RP1: variants seen among roughly 807,000 people sequenced by gnomAD.
The protein encoded by RP1 is oxygen-regulated protein 1.
A neutral mutation model predicts 14.8 loss-of-function variants in RP1; 16 were observed. That is an observed-to-expected ratio of 1.08 (90% CI 0.73 to 1.65). The LOEUF is 1.65. Among genes scored for constraint, RP1 ranks in the 40% most tolerant of loss-of-function variants. The pLI is 0.00. For synonymous variants in RP1, 876 were observed against 883.6 expected, an observed-to-expected ratio of 0.99 and a Z score of 0.15; for missense variants, 2,631 against 2,535.0, an observed-to-expected ratio of 1.04 and a Z score of -0.81.
intron 27 of RP1, among the ~76,000 whole-genome samples, chr8:54,859,252 G>A (rs890504264): frequency 1.4e-4 from 21 of 151,416 alleles, no homozygotes; most frequent in African/African-American, 4.9e-4. Context: ...GTAAGGTGGT[G>A]TCACTACAGA....
Position 54,627,347 on chromosome 8 carries a change from C to G in RP1, c.3465C>G (p.Asn1155Lys). ...AAGTTGATGCTCACAAGGCTACCAACAAATCTTCAGAAACACTTGCATTGT... is the reference window on the plus strand; with the variant it reads ...AAGTTGATGCTCACAAGGCTACCAAGAAATCTTCAGAAACACTTGCATTGT... ...FCQVDAHKATNKSSETLALLE... is the reference protein window; with the variant it reads ...FCQVDAHKATKKSSETLALLE... The change falls in exon 4 of 4, where the codon AAC becomes AAG. Residue 1155 changes from asparagine to lysine, a missense_variant. Asn to Lys is a moderately conservative substitution (Grantham distance 94). Transcript: ENST00000220676. 1 of 1,614,150 alleles carries G rather than the reference C, an allele frequency of 6.2e-7. No individual in the cohort carries two copies. Among genetic ancestry groups the G allele is most frequent in the East Asian group, 2.2e-5 (1 of 44,890 alleles).
upstream of RP1, among the ~76,000 whole-genome samples, chr8:54,612,828 C>A (rs1415697604): frequency 2.0e-5 from 3 of 152,208 alleles, no homozygotes; most frequent in African/African-American, 7.2e-5. Context: ...CTGCCAGGAA[C>A]ACACTTCTGT....
intron 1 of RP1, among the ~76,000 whole-genome samples, chr8:54,584,729 T>G (rs966853303): frequency 1.3e-5 from 2 of 152,242 alleles, no homozygotes; most frequent in African/African-American, 4.8e-5. Context: ...CTTTTCTTGT[T>G]GAATTGATCC....
chr8:54,783,704 A>G, exon 24 of RP1: 1 of 1,230,512 alleles, frequency 8.1e-7, no homozygotes, highest in South Asian at 4.1e-5. Context: ...CTGCAGATAT[A>G]TTCAAGGTAA....
intron 24 of RP1, among the ~76,000 whole-genome samples, chr8:54,832,792 C>G (rs1208891675): frequency 4.0e-5 from 6 of 151,726 alleles, no homozygotes; most frequent in African/African-American, 1.2e-4. Context: ...TGTTTTTATG[C>G]CTTGTTAGGA....
intron 7 of RP1, among the ~76,000 whole-genome samples, chr8:54,664,699 T>G (rs1420780630): frequency 6.6e-6 from 1 of 152,212 alleles, no homozygotes; most frequent in Non-Finnish European, 1.5e-5. Context: ...GAGAAATGTT[T>G]GTTCAAGTCC....
chr8:54,626,632 A>G lies in RP1; in HGVS notation c.2750A>G (p.Gln917Arg), dbSNP rs1333399850. The change falls in exon 4 of 4, where the codon CAG becomes CGG. Residue 917 changes from glutamine (Q) to arginine (R), a missense_variant. By Grantham distance (43) the Gln-to-Arg change is conservative. Transcript: ENST00000220676. Reference protein sequence around the residue: ...IAHHSIQNYIQSWLQNINPYP... With the variant: ...IAHHSIQNYIRSWLQNINPYP... ...CATCATTCAATTCAAAATTATATAC[A>G]GAGTTGGTTGCAGAACATAAATCCA... 4 of 1,613,698 alleles carry G rather than the reference A, an allele frequency of 2.5e-6. No individual in the cohort carries two copies. The highest frequency in any genetic ancestry group is 3.3e-5 in the Admixed American group (2 of 59,974).
At chr8:54,695,153 G>A (rs1220128702) in intron 12 of RP1, among the ~76,000 whole-genome samples, 1 of 152,048 alleles carries the variant, frequency 6.6e-6, no homozygotes, top group African/African-American at 2.4e-5. Flanking sequence ...TTAATCCTGA[G>A]TTCTAGTTTG....
intron 24 of RP1, among the ~76,000 whole-genome samples, chr8:54,788,834 C>T (rs1200709411): frequency 6.6e-6 from 1 of 152,158 alleles, no homozygotes; most frequent in Non-Finnish European, 1.5e-5. Flanking sequence ...GGAAGACTAA[C>T]AATCATCTAC....
intron 24 of RP1, among the ~76,000 whole-genome samples, chr8:54,834,159 C>G (rs1177576217): frequency 6.6e-6 from 1 of 151,896 alleles, no homozygotes; most frequent in Non-Finnish European, 1.5e-5. Flanking sequence ...TTTAAATTTT[C>G]TCAAGAAAGT....
intron 24 of RP1, among the ~76,000 whole-genome samples, chr8:54,802,059 T>A (rs1406267686): frequency 6.6e-6 from 1 of 152,182 alleles, no homozygotes; most frequent in Non-Finnish European, 1.5e-5. Context: ...GAGCTGCAGA[T>A]AATATATAAC....
intron 24 of RP1, among the ~76,000 whole-genome samples, chr8:54,798,939 A>T (rs1335714003): frequency 6.6e-6 from 1 of 151,972 alleles, no homozygotes; most frequent in Non-Finnish European, 1.5e-5. Flanking sequence ...TTCTTTTTCT[A>T]TAGAACTATG....
intron 6 of RP1, among the ~76,000 whole-genome samples, chr8:54,657,507 G>A (rs1585585069): frequency 6.6e-6 from 1 of 152,086 alleles, no homozygotes. Flanking sequence ...GTCAGTGGTA[G>A]ATACAGCAAA....
chr8:54,563,554 T>C (rs1266526293), intron 1 of RP1, among the ~76,000 whole-genome samples: 1 of 151,970 alleles, frequency 6.6e-6, no homozygotes, highest in Non-Finnish European at 1.5e-5. Context: ...TTTTTTTGTT[T>C]GTTTGTTTGT....
intron 25 of RP1, among the ~76,000 whole-genome samples, chr8:54,852,267 T>C (rs9657165): frequency 0.3 from 45,342 of 151,948 alleles, 7,036 homozygotes; most frequent in South Asian, 0.37. Context: ...GAGGAGAGTT[T>C]CTGTTTTTTT....
chr8:54,615,723 T>C (rs1213683104), upstream of RP1, among the ~76,000 whole-genome samples: 8 of 152,208 alleles, frequency 5.3e-5, no homozygotes, highest in African/African-American at 1.4e-4. Context: ...TTTTAAATGA[T>C]TACCAGGAGC....
intron 3 of RP1, among the ~76,000 whole-genome samples, chr8:54,640,611 G>A (rs2049111402): frequency 6.6e-6 from 1 of 152,146 alleles, no homozygotes; most frequent in South Asian, 2.1e-4. Flanking sequence ...AGAAGATGGA[G>A]TCAAGTCGGC....
At chr8:54,652,938 A>G in intron 5 of RP1, 2 of 1,030,758 alleles carry the variant, frequency 1.9e-6, no homozygotes, top group Non-Finnish European at 2.9e-6. Context: ...TCAACTCATC[A>G]TGCCTATAAT....
chr8:54,771,438 G>A (rs1358581351), downstream of RP1, among the ~76,000 whole-genome samples: 1 of 152,050 alleles, frequency 6.6e-6, no homozygotes. Context: ...TGTAAGACAT[G>A]TAATCAACAT....
Sources: allele counts gnomAD v4.1 joint callset (sites outside exome capture counted in the v4.1 genomes callset), GRCh38; gene constraint gnomAD v4.1.1; transcripts MANE v1.5; gene names NCBI Gene and HGNC (gene_info 2026-07-23, HGNC 2026-07-21).